FOXP2: variants seen among roughly 807,000 people sequenced by gnomAD.
The protein encoded by FOXP2 is forkhead box P2.
Under a neutral mutation model 115.8 loss-of-function variants are expected in FOXP2, and 12 were observed. That is an observed-to-expected ratio of 0.10 (90% CI 0.07 to 0.17). The LOEUF (loss-of-function observed/expected upper bound fraction) is 0.17. FOXP2 is among the 10% of genes least tolerant of loss of function. The probability of loss-of-function intolerance (pLI) is 1.00; values close to 1 mark genes in which losing one functional copy is unlikely to be tolerated. For synonymous variants in FOXP2, 328 were observed against 297.7 expected, an observed-to-expected ratio of 1.10 and a Z score of -1.05; for missense variants, 629 against 843.5, an observed-to-expected ratio of 0.75 and a Z score of 3.15.
chr7:114,297,945 A>G (rs970662643), intron 2 of FOXP2, among the ~76,000 whole-genome samples: 1 of 152,112 alleles, frequency 6.6e-6, no homozygotes, highest in African/African-American at 2.4e-5. Context: ...ACTTATCTTC[A>G]TTATTATATT....
chr7:114,330,458 T>A (rs190144603), intron 2 of FOXP2, among the ~76,000 whole-genome samples: 1 of 146,526 alleles, frequency 6.8e-6, no homozygotes, highest in Non-Finnish European at 1.5e-5. Context: ...CATAGGGAGA[T>A]CTTGTCTCTA....
chr7:114,484,408 T>C (rs1052827454), intron 2 of FOXP2, among the ~76,000 whole-genome samples: 3 of 152,008 alleles, frequency 2.0e-5, no homozygotes, highest in Admixed American at 2.0e-4. Context: ...TGTTACTATT[T>C]TGGTGTACAA....
chr7:114,585,527 T>C (rs1802090095), intron 3 of FOXP2, among the ~76,000 whole-genome samples: 1 of 151,500 alleles, frequency 6.6e-6, no homozygotes. Flanking sequence ...AGTTAATTTA[T>C]GCTCATTAAA....
At chr7:114,097,347 G>A (rs531327070) in intron 1 of FOXP2, among the ~76,000 whole-genome samples, 35 of 152,112 alleles carry the variant, frequency 2.3e-4, no homozygotes, top group Admixed American at 4.6e-4. Flanking sequence ...CTATAGTTTC[G>A]TCTTTTCAAG....
chr7:114,253,756 T>G (rs951466922), intron 1 of FOXP2, among the ~76,000 whole-genome samples: 7 of 152,184 alleles, frequency 4.6e-5, no homozygotes, highest in African/African-American at 1.7e-4. Flanking sequence ...AATTTGTCAG[T>G]CTGTGTATTT....
At chr7:114,502,963 A>G (rs1437772688) in intron 2 of FOXP2, among the ~76,000 whole-genome samples, 1 of 152,048 alleles carries the variant, frequency 6.6e-6, no homozygotes, top group Non-Finnish European at 1.5e-5. Flanking sequence ...AAATAAGCAC[A>G]CCAAAAATAA....
intron 2 of FOXP2, among the ~76,000 whole-genome samples, chr7:114,304,905 G>A (rs1796975566): frequency 6.6e-6 from 1 of 152,004 alleles, no homozygotes; most frequent in Non-Finnish European, 1.5e-5. Context: ...AGAACAGAAA[G>A]CAATTCTGTG....
intron 3 of FOXP2, among the ~76,000 whole-genome samples, chr7:114,565,079 T>A (rs1311684288): frequency 1.3e-5 from 2 of 151,846 alleles, no homozygotes; most frequent in African/African-American, 2.4e-5. Context: ...TTCTAATGCC[T>A]TATTTTATTG....
chr7:114,534,879 T>C (rs893181308), intron 3 of FOXP2, among the ~76,000 whole-genome samples, 173 bp downstream of exon 3: 1 of 151,830 alleles, frequency 6.6e-6, no homozygotes, highest in African/African-American at 2.4e-5. Context: ...AAAATAATAT[T>C]CTATTGGCAT....
At position 114,692,707 on chromosome 7, in the gene FOXP2, G is replaced by A. The variant is rs1199889604; in HGVS notation, c.*2781G>A. 2.2e-5 allele frequency: 10 copies of A among 445,240 alleles called. No individual in the cohort carries two copies. Among genetic ancestry groups the A allele is most frequent in the Non-Finnish European group, 4.0e-5 (9 of 223,418 alleles). 27.6% of individuals were successfully genotyped at this position (445,240 alleles called of 1,614,324 possible). ...AGCATAATGTCTGACAATTTAAATGGCTCATGTATTCTTGCTTCTATCATA... is the reference window on the plus strand; with the variant it reads ...AGCATAATGTCTGACAATTTAAATGACTCATGTATTCTTGCTTCTATCATA... On this transcript the variant is annotated 3_prime_UTR_variant, in exon 17 of 17. Transcript: ENST00000350908.
chr7:114,500,852 G>C (rs935099204), intron 2 of FOXP2, among the ~76,000 whole-genome samples: 2 of 152,164 alleles, frequency 1.3e-5, no homozygotes, highest in Non-Finnish European at 2.9e-5. Flanking sequence ...CCAGGATAAA[G>C]ATGGGGAATT....
chr7:114,503,984 G>A (rs748760148), intron 2 of FOXP2, among the ~76,000 whole-genome samples: 2 of 151,460 alleles, frequency 1.3e-5, no homozygotes, highest in African/African-American at 2.4e-5. Context: ...GAAAAATGTG[G>A]ACTTAATACA....
At chr7:114,282,747 AC>A (rs1796371147) in intron 1 of FOXP2, among the ~76,000 whole-genome samples, 5 of 152,164 alleles carry the variant, frequency 3.3e-5, no homozygotes. Flanking sequence ...TATAATGGGC[AC>A]TGTGTATCTC....
chr7:114,390,053 G>C (rs1180687009), intron 2 of FOXP2, among the ~76,000 whole-genome samples: 1 of 132,368 alleles, frequency 7.6e-6, no homozygotes, highest in Admixed American at 7.7e-5. Context: ...AGCATAACAA[G>C]TTAAAAAAAA....
intron 1 of FOXP2, among the ~76,000 whole-genome samples, chr7:114,272,009 A>G (rs978260029): frequency 1.5e-5 from 2 of 136,910 alleles, no homozygotes; most frequent in African/African-American, 5.4e-5. Flanking sequence ...GTAATATTAT[A>G]ATTATAATAT....
At chr7:114,294,617 G>T (rs1796690162) in intron 2 of FOXP2, among the ~76,000 whole-genome samples, 1 of 151,912 alleles carries the variant, frequency 6.6e-6, no homozygotes, top group Non-Finnish European at 1.5e-5. Flanking sequence ...GAGGCAGGGG[G>T]ATCACCTGAG....
At chr7:114,441,862 A>C (rs1353348932) in intron 2 of FOXP2, among the ~76,000 whole-genome samples, 4 of 152,216 alleles carry the variant, frequency 2.6e-5, no homozygotes, top group Non-Finnish European at 5.9e-5. Context: ...GGCAATAACA[A>C]GTGTTGACAA....
At chr7:114,423,873 G>A (rs1237655135) in intron 1 of FOXP2, among the ~76,000 whole-genome samples, 1 of 151,352 alleles carries the variant, frequency 6.6e-6, no homozygotes, top group Non-Finnish European at 1.5e-5. Flanking sequence ...TTTTTTAAGT[G>A]AAATGTACAG....
chr7:114,552,688 T>C (rs1291661463), intron 3 of FOXP2, among the ~76,000 whole-genome samples: 5 of 152,196 alleles, frequency 3.3e-5, no homozygotes. Context: ...TCCATATTCA[T>C]TACATACGTT....
Sources: allele counts gnomAD v4.1 joint callset (sites outside exome capture counted in the v4.1 genomes callset), GRCh38; gene constraint gnomAD v4.1.1; transcripts MANE v1.5; gene names NCBI Gene and HGNC (gene_info 2026-07-23, HGNC 2026-07-21).